Variants in SMYD1 observed in about 807,000 individuals in gnomAD.
The protein encoded by SMYD1 is histone-lysine N-methyltransferase SMYD1.
SMYD1 carries 49 observed loss-of-function variants against 54.0 expected under a neutral mutation model. The observed-to-expected ratio is 0.91, with a 90% CI of 0.72 to 1.15. The LOEUF is 1.15. SMYD1 is among the 50% of genes most tolerant of loss of function. The probability of loss-of-function intolerance (pLI) is 0.00; values close to 1 mark genes in which losing one functional copy is unlikely to be tolerated. For missense variants in SMYD1, 653 were observed against 639.6 expected (o/e 1.02, Z -0.23); for synonymous variants, 269 against 234.2 (o/e 1.15, Z -1.36).
intron 7 of SMYD1, 148 bp downstream of exon 7, chr2:88,103,298 T>C: frequency 3.2e-6 from 2 of 634,148 alleles, no homozygotes; most frequent in Non-Finnish European, 5.6e-6. Context: ...TTGGTTGAGA[T>C]CATGACTCTT....
chr2:88,090,575 T>A (rs868728223), intron 3 of SMYD1, among the ~76,000 whole-genome samples: 1 of 152,134 alleles, frequency 6.6e-6, no homozygotes, highest in Non-Finnish European at 1.5e-5. Flanking sequence ...AATTTTTTTT[T>A]ATGAACAGCT....
In SMYD1 at chr2:88,103,066, G is replaced by T. The variant is rs61731026; in HGVS notation, c.897G>T (p.Gln299His). 1,893 of 1,614,054 alleles carry T rather than the reference G, an allele frequency of 1.2e-3. 21 individuals are homozygous for T. The African/African-American group carries it at 0.023, about 20-fold the overall frequency. Reference protein sequence around the residue: ...LGVKDNPKPSQEVVKEMIQFS... With the variant: ...LGVKDNPKPSHEVVKEMIQFS... ...GTGTCTCTCTTTCCCAGCCCTCTCA[G>T]GAAGTGGTGAAGGAGATGATACAAT... is the stretch of plus-strand genomic sequence containing the variant. The change falls in exon 7 of 10, where the codon CAG becomes CAT. Residue 299 changes from glutamine (Q) to histidine (H), a missense_variant. By Grantham distance (24) the Gln-to-His change is conservative. Coordinates refer to ENST00000419482, the MANE Select transcript of SMYD1 (RefSeq NM_198274.4).
chr2:88,103,502 A>G (rs940177458), intron 7 of SMYD1, among the ~76,000 whole-genome samples: 4 of 152,160 alleles, frequency 2.6e-5, no homozygotes, highest in Non-Finnish European at 5.9e-5. Context: ...TTGTTTTCCC[A>G]TAATTGAATG....
intron 2 of SMYD1, among the ~76,000 whole-genome samples, chr2:88,086,768 A>G (rs534877970): frequency 1.3e-5 from 2 of 152,082 alleles, no homozygotes; most frequent in South Asian, 4.1e-4. Flanking sequence ...TTCTATTAGT[A>G]CCGATTTCAG....
intron 2 of SMYD1, among the ~76,000 whole-genome samples, chr2:88,084,740 C>T (rs1338136755): frequency 6.6e-6 from 1 of 152,106 alleles, no homozygotes; most frequent in African/African-American, 2.4e-5. Flanking sequence ...TGTAGGGCTC[C>T]CCAATGTTTA....
chr2:88,087,831 T>C (rs2103992903), intron 2 of SMYD1, 31 bp from the exon 3 acceptor site: 2 of 1,515,306 alleles, frequency 1.3e-6, no homozygotes, highest in Non-Finnish European at 1.8e-6. Flanking sequence ...AATGCAGCTG[T>C]AGTGGCCTCC....
At chr2:88,084,736 G>T (rs550437183) in intron 2 of SMYD1, among the ~76,000 whole-genome samples, 1 of 151,776 alleles carries the variant, frequency 6.6e-6, no homozygotes, top group African/African-American at 2.4e-5. Context: ...CTTCTGTAGG[G>T]CTCCCCAATG....
At position 88,087,991 on chromosome 2, in the gene SMYD1, G is replaced by T. The variant is rs1260012350; in HGVS notation, c.444G>T (p.Arg148=). The change falls in exon 3 of 10, where the codon CGG becomes CGT. Residue 148 remains arginine, a synonymous_variant. Coordinates refer to ENST00000419482, the MANE Select transcript of SMYD1 (RefSeq NM_198274.4). ...HFGEEEQKDL[R]VDVDTFLQYW... ...GGGAGGAGGAGCAGAAGGACCTGCG[G>T]GTGGACGTGGACACATTCTTGCAGT... The T allele has an allele frequency of 6.2e-7, 1 of 1,614,188 alleles. No homozygotes were observed. The highest frequency in any genetic ancestry group is 1.1e-5 in the South Asian group (1 of 91,086).
At position 88,091,207 on chromosome 2, in the gene SMYD1, C is replaced by T. The variant is rs928853998; in HGVS notation, c.659+65C>T. On this transcript the variant is annotated intron_variant, in intron 4 of 9. Transcript: ENST00000419482. ...GGGGAGACCTATGGTGTTTTCTCCA[C>T]TTGACTTAAGCCAAAGTCAACCTGC... is the stretch of plus-strand genomic sequence containing the variant. 9 of 1,541,870 alleles carry T rather than the reference C, an allele frequency of 5.8e-6. No individual in the cohort carries two copies. The South Asian group carries it at 7.3e-5, about 13-fold the overall frequency.
rs1675039030 is a variant in SMYD1 at position 88,112,135 on chromosome 2, C to G, written c.*1623C>G. The G allele has an allele frequency of 1.4e-6, 1 of 703,422 alleles. No individual in the cohort carries two copies. Among genetic ancestry groups the G allele is most frequent in the Non-Finnish European group, 2.6e-6 (1 of 385,108 alleles). 43.6% of individuals were successfully genotyped at this position (703,422 alleles called of 1,614,324 possible). A position where few individuals can be genotyped will look rare whatever the true frequency, so the allele number is the denominator to read the frequency against. ...AGAAGACTGATAGTCTTTCAAGCCC[C>G]CACATCACAGGCTTAGGGACGGCAC... is the stretch of plus-strand genomic sequence containing the variant. On this transcript the variant is annotated 3_prime_UTR_variant, in exon 10 of 10. Transcript: ENST00000419482.
chr2:88,079,513 G>A (rs1015066406), intron 1 of SMYD1, among the ~76,000 whole-genome samples: 1 of 152,148 alleles, frequency 6.6e-6, no homozygotes, highest in East Asian at 1.9e-4. Flanking sequence ...CATCCCTGAT[G>A]TCTGCAATAA....
At chr2:88,080,606 T>C (rs1440854458) in intron 1 of SMYD1, among the ~76,000 whole-genome samples, 2 of 152,164 alleles carry the variant, frequency 1.3e-5, no homozygotes, top group Non-Finnish European at 2.9e-5. Context: ...GACCACCTCC[T>C]GGCTCTCCTC....
At position 88,084,348 on chromosome 2, in the gene SMYD1, A is replaced by G; in HGVS notation, c.170A>G (p.Lys57Arg). 1 of 1,582,620 alleles carries G rather than the reference A, an allele frequency of 6.3e-7. No homozygotes were observed. Among genetic ancestry groups the G allele is most frequent in the Non-Finnish European group, 8.7e-7 (1 of 1,154,308 alleles). The change falls in exon 2 of 10, where the codon AAG (lysine) becomes AGG (arginine). Residue 57 changes from lysine (K) to arginine (R), a missense_variant. Physicochemically the swap from Lys to Arg is conservative, Grantham distance 26. Coordinates refer to ENST00000419482, the MANE Select transcript of SMYD1 (RefSeq NM_198274.4). ...LVNFVCHTCF[K>R]RQEKLHRCGQ... ...AATTTTGTGTGCCACACCTGCTTCA[A>G]GAGGCAGGAGAAGCTCCATCGCTGT...
At chr2:88,107,884 C>A (rs913954272) in intron 8 of SMYD1, among the ~76,000 whole-genome samples, 1 of 152,226 alleles carries the variant, frequency 6.6e-6, no homozygotes, top group East Asian at 1.9e-4. Flanking sequence ...TGACCCCTTG[C>A]ACTTCCCAGG....
intron 6 of SMYD1, among the ~76,000 whole-genome samples, chr2:88,102,073 T>A (rs1477131241): frequency 6.6e-6 from 1 of 152,196 alleles, no homozygotes; most frequent in East Asian, 1.9e-4. Context: ...CTTTTTTTTT[T>A]AACCATACTT....
At chr2:88,102,474 C>T (rs1245519745) in intron 6 of SMYD1, among the ~76,000 whole-genome samples, 1 of 152,078 alleles carries the variant, frequency 6.6e-6, no homozygotes, top group African/African-American at 2.4e-5. Flanking sequence ...TCCTTTTGGT[C>T]AAGACAAGGA....
At chr2:88,089,897 T>G (rs1396534336) in intron 3 of SMYD1, among the ~76,000 whole-genome samples, 2 of 152,132 alleles carry the variant, frequency 1.3e-5, no homozygotes, top group Non-Finnish European at 2.9e-5. Context: ...TGGCCTAAGC[T>G]TTTACTTTTA....
chr2:88,078,838 G>A (rs1432782843), intron 1 of SMYD1, among the ~76,000 whole-genome samples: 2 of 152,246 alleles, frequency 1.3e-5, no homozygotes, highest in African/African-American at 2.4e-5. Flanking sequence ...ACCAGCAGCC[G>A]AGGGCATAGA....
chr2:88,093,601 C>G (rs1342938833), intron 5 of SMYD1, 46 bp downstream of exon 5: 1 of 1,611,920 alleles, frequency 6.2e-7, no homozygotes, highest in African/African-American at 1.3e-5. Context: ...ACCCATCTCC[C>G]TCACTTACCT....
Sources: gnomAD v4.1 joint callset for allele counts (sites outside exome capture counted in the v4.1 genomes callset) on GRCh38, gnomAD v4.1.1 for gene constraint, MANE v1.5 for transcripts, NCBI Gene and HGNC (gene_info 2026-07-23, HGNC 2026-07-21) for gene names.